The following ZC2HC1A variants were observed in gnomAD, a reference collection of about 807,000 sequenced individuals.
ZC2HC1A encodes zinc finger C2HC-type containing 1A, also known as zinc finger C2HC domain-containing protein 1A.
Under a neutral mutation model 40.7 loss-of-function variants are expected in ZC2HC1A, and 28 were observed. The observed-to-expected ratio is 0.69, with a 90% confidence interval of 0.51 to 0.94. The LOEUF (loss-of-function observed/expected upper bound fraction) is 0.94. ZC2HC1A is among the 40% of genes least tolerant of loss of function. The probability of loss-of-function intolerance (pLI) is 0.00; values close to 1 mark genes in which losing one functional copy is unlikely to be tolerated. For missense variants in ZC2HC1A, 389 were observed against 386.3 expected, an observed-to-expected ratio of 1.01 and a Z score of -0.06; for synonymous variants, 129 against 129.2, an observed-to-expected ratio of 1.00 and a Z score of 0.01.
At chr8:78,690,614 A>G (rs1810179192) in intron 5 of ZC2HC1A, among the ~76,000 whole-genome samples, 1 of 152,032 alleles carries the variant, frequency 6.6e-6, no homozygotes, top group African/African-American at 2.4e-5. Context: ...TATACATTTT[A>G]TAATTGACTT....
intron 3 of ZC2HC1A, among the ~76,000 whole-genome samples, chr8:78,679,923 T>C (rs1243259603): frequency 6.6e-6 from 1 of 152,318 alleles, no homozygotes; most frequent in East Asian, 1.9e-4. Context: ...ATATTAGCTT[T>C]AATTTGCTTC....
chr8:78,682,928 T>C (rs918202731), intron 3 of ZC2HC1A, among the ~76,000 whole-genome samples: 1 of 152,230 alleles, frequency 6.6e-6, no homozygotes, highest in Admixed American at 6.5e-5. Context: ...ACAGGCTCCA[T>C]GCAAGTCTGA....
intron 5 of ZC2HC1A, among the ~76,000 whole-genome samples, chr8:78,694,574 C>T (rs1810336050): frequency 6.6e-6 from 1 of 152,140 alleles, no homozygotes; most frequent in Non-Finnish European, 1.5e-5. Context: ...ATGGTTTGGC[C>T]TGGAAATTTC....
intron 1 of ZC2HC1A, among the ~76,000 whole-genome samples, chr8:78,670,644 A>G (rs1286976483): frequency 6.6e-6 from 1 of 152,200 alleles, no homozygotes; most frequent in Non-Finnish European, 1.5e-5. Context: ...GCAGCCAGGA[A>G]TGAACTTATT....
At chr8:78,717,241 T>TTATA in intron 8 of ZC2HC1A, 87 bp from the exon 9 acceptor site, 1 of 1,233,878 alleles carries the variant, frequency 8.1e-7, no homozygotes, top group Non-Finnish European at 1.1e-6. Flanking sequence ...AGGCTAATTG[T>TTATA]TATATTTATG....
In ZC2HC1A at chr8:78,715,304, C is replaced by T. The variant is rs909283706; in HGVS notation, c.788C>T (p.Thr263Ile). 2 of 1,613,540 alleles carry T rather than the reference C, an allele frequency of 1.2e-6. No homozygotes were observed. Among genetic ancestry groups the T allele is most frequent in the African/African-American group, 1.3e-5 (1 of 75,012 alleles). The change falls in exon 8 of 9, where the codon ACA becomes ATA. Residue 263 changes from threonine (T) to isoleucine (I), a missense_variant. By Grantham distance (89) the Thr-to-Ile change is moderately conservative. Coordinates refer to ENST00000263849, the MANE Select transcript of ZC2HC1A (RefSeq NM_016010.3). The part of the protein sequence containing the change: ...APGVLTNKRK[T>I]YTESYIARPD... ...GGTGTGCTTACAAACAAAAGAAAAA[C>T]ATATACTGAGAGCTACATAGCCAGG...
intron 7 of ZC2HC1A, among the ~76,000 whole-genome samples, chr8:78,713,292 G>A (rs1485679759): frequency 6.6e-6 from 1 of 151,912 alleles, no homozygotes; most frequent in Non-Finnish European, 1.5e-5. Flanking sequence ...AAAAATAAAT[G>A]ACAGGTATTT....
intron 7 of ZC2HC1A, among the ~76,000 whole-genome samples, chr8:78,700,446 T>G (rs544277786): frequency 2.7e-4 from 41 of 152,216 alleles, no homozygotes; most frequent in Non-Finnish European, 4.9e-4. Flanking sequence ...TTGCTCCCAT[T>G]CTGTAGGTTG....
At chr8:78,681,456 C>G (rs1471473504) in intron 3 of ZC2HC1A, among the ~76,000 whole-genome samples, 1 of 152,128 alleles carries the variant, frequency 6.6e-6, no homozygotes, top group African/African-American at 2.4e-5. Context: ...AGTCAGTAAT[C>G]TCAAACATCT....
intron 5 of ZC2HC1A, 138 bp downstream of exon 5, chr8:78,689,511 A>C: frequency 1.3e-6 from 1 of 752,072 alleles, no homozygotes; most frequent in Non-Finnish European, 1.9e-6. Flanking sequence ...TATATCTATA[A>C]AAGTTGTATG....
Position 78,689,330 on chromosome 8 carries a change from T to A in ZC2HC1A, c.461T>A (p.Phe154Tyr). The A allele has an allele frequency of 6.2e-7, 1 of 1,602,658 alleles. No homozygotes were observed. The highest frequency in any genetic ancestry group is 1.1e-5 in the South Asian group (1 of 89,004). Residue 154 changes from phenylalanine to tyrosine, a missense_variant, in exon 5 of 9, where the codon TTT (phenylalanine) becomes TAT (tyrosine). Coordinates refer to ENST00000263849, the MANE Select transcript of ZC2HC1A (RefSeq NM_016010.3). ...GCACGTATTAGTAATAAAGGGAAAT[T>A]TTCTACAGATACCAAAGGAAAACCA... ...QAARISNKGK[F>Y]STDTKGKPTS...
chr8:78,679,734 A>T (rs1809705319), intron 3 of ZC2HC1A, among the ~76,000 whole-genome samples: 1 of 152,194 alleles, frequency 6.6e-6, no homozygotes, highest in African/African-American at 2.4e-5. Context: ...AACTTCTTCC[A>T]GTGGTATAAG....
chr8:78,695,090 G>C (rs1810354399), intron 5 of ZC2HC1A, among the ~76,000 whole-genome samples: 1 of 152,150 alleles, frequency 6.6e-6, no homozygotes. Context: ...AAAACAGCAA[G>C]ATACCGAGGG....
At chr8:78,699,366 A>G (rs1226083639) in intron 7 of ZC2HC1A, among the ~76,000 whole-genome samples, 1 of 152,178 alleles carries the variant, frequency 6.6e-6, no homozygotes, top group Non-Finnish European at 1.5e-5. Flanking sequence ...TCAGAAAATT[A>G]AGGGATTACC....
At chr8:78,669,483 T>C (rs1232260737) in intron 1 of ZC2HC1A, among the ~76,000 whole-genome samples, 1 of 141,692 alleles carries the variant, frequency 7.1e-6, no homozygotes, top group African/African-American at 3.2e-5. Flanking sequence ...AGGTAAAACA[T>C]AGCATGCTTG....
At position 78,686,509 on chromosome 8, in the gene ZC2HC1A, GA is replaced by G; in HGVS notation, c.255del (p.Glu86AsnfsTer6). ...ACCATCTAATTGGAGAAGGAAACAT[GA>G]AGAATTCATTGCTACCATAAGAGCA... ...KKPSNWRRKH[E>X]EFIATIRAAK... On this transcript the variant is annotated frameshift_variant, in exon 4 of 9. Transcript: ENST00000263849. LOFTEE classifies it high-confidence loss of function. 1 of 1,545,750 alleles carries G rather than the reference GA, an allele frequency of 6.5e-7. No individual in the cohort carries two copies. The highest frequency in any genetic ancestry group is 8.7e-7 in the Non-Finnish European group (1 of 1,145,688).
At chr8:78,707,349 C>T (rs1056756710) in intron 7 of ZC2HC1A, among the ~76,000 whole-genome samples, 1 of 152,146 alleles carries the variant, frequency 6.6e-6, no homozygotes, top group South Asian at 2.1e-4. Flanking sequence ...TGAAGAGAGG[C>T]GCTGACCTTG....
Position 78,666,145 on chromosome 8 carries a change from CGCGATGGAGGGACTGGAAGGTGAG to C in ZC2HC1A, c.4_16+11del. 1 of 1,571,996 alleles carries C rather than the reference CGCGATGGAGGGACTGGAAGGTGAG, an allele frequency of 6.4e-7. No homozygotes were observed. Among genetic ancestry groups the C allele is most frequent in the Non-Finnish European group, 8.6e-7 (1 of 1,158,796 alleles). On this transcript the variant is annotated splice_donor_variant and splice_donor_5th_base_variant and coding_sequence_variant and 5_prime_UTR_variant and intron_variant, in exon 1 of 9. Coordinates refer to ENST00000263849, the MANE Select transcript of ZC2HC1A (RefSeq NM_016010.3). LOFTEE classifies it high-confidence loss of function. ...AGTCTCGCTGAGCTCGAGGAGGTGG[CGCGATGGAGGGACTGGAAGGTGAG>C]GCGATGAAGGGATGAGGGCAGGACG...
chr8:78,677,859 TCCA>T (rs1809632709), intron 2 of ZC2HC1A, among the ~76,000 whole-genome samples: 2 of 152,218 alleles, frequency 1.3e-5, no homozygotes, highest in Non-Finnish European at 2.9e-5. Context: ...GAACGGGTAC[TCCA>T]TAGACAGAGC....
Sources: gnomAD v4.1 joint callset for allele counts (sites outside exome capture counted in the v4.1 genomes callset) on GRCh38, gnomAD v4.1.1 for gene constraint, MANE v1.5 for transcripts, NCBI Gene and HGNC (gene_info 2026-07-23, HGNC 2026-07-21) for gene names.